CASQ2: variants seen among roughly 807,000 people sequenced by gnomAD.
CASQ2 encodes calsequestrin 2, also known as calsequestrin-2.
A neutral mutation model predicts 46.5 loss-of-function variants in CASQ2; 49 were observed. That is an observed-to-expected ratio of 1.05 (90% CI 0.84 to 1.34). CASQ2 has a LOEUF of 1.34. Among genes scored for constraint, CASQ2 ranks in the 40% most tolerant of loss-of-function variants. CASQ2 has a pLI of 0.00. For missense variants in CASQ2, 486 were observed against 481.3 expected, an observed-to-expected ratio of 1.01 and a Z score of -0.09; for synonymous variants, 174 against 168.5, an observed-to-expected ratio of 1.03 and a Z score of -0.25.
intron 4 of CASQ2, among the ~76,000 whole-genome samples, chr1:115,736,088 G>C (rs775302372): frequency 3.3e-5 from 5 of 149,656 alleles, no homozygotes; most frequent in African/African-American, 1.2e-4. Context: ...GCTTGAACCC[G>C]GGAGGCAGAG....
chr1:115,707,528 C>T (rs993817720), intron 8 of CASQ2, among the ~76,000 whole-genome samples: 1 of 152,148 alleles, frequency 6.6e-6, no homozygotes, highest in Admixed American at 6.5e-5. Context: ...ACTCCTGCTG[C>T]CTGTAGGTGG....
At chr1:115,761,488 G>GAAGAAGAAGAAGAAGAAGA (rs1557806828) in intron 1 of CASQ2, among the ~76,000 whole-genome samples, 34 of 13,138 alleles carry the variant, frequency 2.6e-3, no homozygotes, top group South Asian at 8.3e-3. Context: ...GAAGAAGAAG[G>GAAGAAGAAGAAGAAGAAGA]AGAAGAAGGA....
chr1:115,763,045 A>G (rs1649015847), intron 1 of CASQ2, among the ~76,000 whole-genome samples: 1 of 152,178 alleles, frequency 6.6e-6, no homozygotes, highest in Non-Finnish European at 1.5e-5. Context: ...ATCCTTGCCC[A>G]ATGTGAACTT....
intron 3 of CASQ2, among the ~76,000 whole-genome samples, chr1:115,740,471 G>A (rs1045239354): frequency 7.2e-5 from 11 of 152,090 alleles, no homozygotes; most frequent in Admixed American, 3.3e-4. Context: ...TTCAATAGAC[G>A]TCTATGTATA....
At chr1:115,744,158 GA>G (rs916503525) in intron 2 of CASQ2, among the ~76,000 whole-genome samples, 1 of 140,112 alleles carries the variant, frequency 7.1e-6, no homozygotes, top group African/African-American at 2.6e-5. Flanking sequence ...AAAAAAAAAA[GA>G]AAAAAAGAAA....
rs573488635 is a variant in CASQ2, at chr1:115,750,379, G to A, written c.235-5467C>T. Among the ~76,000 whole-genome samples, 14 of 152,316 alleles carry A rather than the reference G, an allele frequency of 9.2e-5. No homozygotes were observed. In the East Asian group the frequency reaches 2.1e-3, roughly 23 times the overall value. ...GAATGGGGTTGTCTCTTATCGGTTG[G>A]TTATATGCAGCCTCTGGGCATTGGT... On this transcript the variant is annotated intron_variant, in intron 1 of 10. Transcript: ENST00000261448.
intron 3 of CASQ2, among the ~76,000 whole-genome samples, 174 bp from the exon 4 acceptor site, chr1:115,738,509 A>G (rs1262613857): frequency 1.3e-5 from 2 of 152,242 alleles, no homozygotes; most frequent in Non-Finnish European, 1.5e-5. Context: ...CTTCTGAGGA[A>G]TAGAACTTAA....
chr1:115,726,966 CA>C, intron 6 of CASQ2, 25 bp downstream of exon 6: 2 of 1,520,310 alleles, frequency 1.3e-6, no homozygotes, highest in Non-Finnish European at 1.8e-6. Flanking sequence ...CCCAGGCCCC[CA>C]GCCCCCACAT....
intron 2 of CASQ2, among the ~76,000 whole-genome samples, chr1:115,744,065 A>G (rs1328177597): frequency 6.6e-6 from 1 of 151,702 alleles, no homozygotes; most frequent in Non-Finnish European, 1.5e-5. Flanking sequence ...AATCGCTTGA[A>G]TCCAGGAGGC....
At chr1:115,710,231 C>T (rs1181947406) in intron 8 of CASQ2, among the ~76,000 whole-genome samples, 2 of 152,322 alleles carry the variant, frequency 1.3e-5, no homozygotes, top group East Asian at 1.9e-4. Flanking sequence ...TGAACACTTA[C>T]TGGGTACTGA....
chr1:115,767,821 G>A (rs1422721440), intron 1 of CASQ2, among the ~76,000 whole-genome samples: 1 of 152,164 alleles, frequency 6.6e-6, no homozygotes, highest in Non-Finnish European at 1.5e-5. Context: ...CAAAACAAGA[G>A]AGAGGAAAGT....
At chr1:115,720,649 A>G (rs1184395012) in intron 7 of CASQ2, among the ~76,000 whole-genome samples, 1 of 152,194 alleles carries the variant, frequency 6.6e-6, no homozygotes, top group African/African-American at 2.4e-5. Flanking sequence ...TGAGTGCAAG[A>G]TTTCCCAAAG....
intron 9 of CASQ2, among the ~76,000 whole-genome samples, chr1:115,704,041 A>C (rs1654290687): frequency 6.6e-6 from 1 of 152,230 alleles, no homozygotes; most frequent in African/African-American, 2.4e-5. Context: ...TACTGTATGC[A>C]GTCTTATATG....
intron 7 of CASQ2, among the ~76,000 whole-genome samples, chr1:115,723,148 T>C (rs1479621132): frequency 6.6e-6 from 1 of 152,218 alleles, no homozygotes; most frequent in Admixed American, 6.5e-5. Context: ...GAGACGTTTT[T>C]CTTTTGCAGT....
At chr1:115,708,226 T>G (rs985844662) in intron 8 of CASQ2, among the ~76,000 whole-genome samples, 1 of 152,216 alleles carries the variant, frequency 6.6e-6, no homozygotes, top group Non-Finnish European at 1.5e-5. Flanking sequence ...AAAAGGTTTT[T>G]GTAAAGAGAA....
chr1:115,727,346 C>T (rs921828904), intron 5 of CASQ2, among the ~76,000 whole-genome samples: 1 of 152,164 alleles, frequency 6.6e-6, no homozygotes, highest in Admixed American at 6.5e-5. Flanking sequence ...AAAGACTTAT[C>T]TAGCAAATGA....
chr1:115,732,531 G>A (rs10754345), intron 5 of CASQ2, among the ~76,000 whole-genome samples: 44,654 of 151,850 alleles, frequency 0.29, 7,051 homozygotes, highest in East Asian at 0.4. Flanking sequence ...CCATCCTGAC[G>A]CAGTAGAAGG....
At chr1:115,720,580 C>A (rs181558200) in intron 7 of CASQ2, among the ~76,000 whole-genome samples, 60 of 152,298 alleles carry the variant, frequency 3.9e-4, no homozygotes, top group African/African-American at 1.4e-3. Context: ...ATGTTGTAAA[C>A]TTGGATCAAT....
At chr1:115,732,329 G>A (rs1235540865) in intron 5 of CASQ2, 1 of 153,686 alleles carries the variant, frequency 6.5e-6, no homozygotes, top group Non-Finnish European at 1.4e-5. Flanking sequence ...TATGTTACTT[G>A]GATTATAGAG....
Sources: allele counts gnomAD v4.1 joint callset (sites outside exome capture counted in the v4.1 genomes callset), GRCh38; gene constraint gnomAD v4.1.1; transcripts MANE v1.5; gene names NCBI Gene and HGNC (gene_info 2026-07-23, HGNC 2026-07-21).